The following LRCH1 variants were observed in gnomAD, a reference collection of about 807,000 sequenced individuals.
LRCH1 encodes the protein leucine rich repeats and calponin homology domain containing 1, also known as leucine-rich repeat and calponin homology domain-containing protein 1.
A neutral mutation model predicts 94.9 loss-of-function variants in LRCH1; 23 were observed. That is an observed-to-expected ratio of 0.24 (90% CI 0.17 to 0.34). The LOEUF (loss-of-function observed/expected upper bound fraction) is 0.34, where lower values mean the gene tolerates loss of function less well. Ranked by LOEUF, LRCH1 falls within the 10% of genes least tolerant of loss-of-function variation. The pLI is 1.00. For missense variants in LRCH1, 790 were observed against 945.9 expected, an observed-to-expected ratio of 0.84 and a Z score of 2.16; for synonymous variants, 364 against 354.9, an observed-to-expected ratio of 1.03 and a Z score of -0.29.
At chr13:46,696,456 A>G (rs1871194944) in intron 9 of LRCH1, among the ~76,000 whole-genome samples, 1 of 152,226 alleles carries the variant, frequency 6.6e-6, no homozygotes, top group Non-Finnish European at 1.5e-5. Flanking sequence ...AGAAGATATC[A>G]ATATTTAAGT....
chr13:46,730,758 ATC>A (rs1284619910), intron 18 of LRCH1, among the ~76,000 whole-genome samples: 1 of 152,206 alleles, frequency 6.6e-6, no homozygotes, highest in Non-Finnish European at 1.5e-5. Context: ...CCGTAAAGTC[ATC>A]TGAGTCTCGT....
chr13:46,553,619 G>A lies in LRCH1; in HGVS notation c.223G>A (p.Gly75Arg). The change falls in exon 1 of 20, where the codon GGG becomes AGG. Residue 75 changes from glycine to arginine, a missense_variant. Physicochemically the swap from Gly to Arg is moderately radical, Grantham distance 125. Around this residue, in one of 3 missense-constraint regions of LRCH1, gnomAD observed 136 missense variants for 143.5 expected, o/e 0.95. Transcript: ENST00000389797. ...GCTTGAGGAGGCGGCCAACTCCGGGGGGCTGAACCTGAGCGCCAGGAAATT... is the reference window on the plus strand; with the variant it reads ...GCTTGAGGAGGCGGCCAACTCCGGGAGGCTGAACCTGAGCGCCAGGAAATT... ...RALEEAANSG[G>R]LNLSARKLKE... 1.3e-6 allele frequency: 2 copies of A among 1,580,734 alleles called. No homozygotes were observed.
intron 11 of LRCH1, among the ~76,000 whole-genome samples, chr13:46,702,417 G>A (rs980853286): frequency 1.3e-5 from 2 of 152,128 alleles, no homozygotes; most frequent in East Asian, 1.9e-4. Context: ...CAGGAGAATC[G>A]CTTGAGCCCA....
intron 1 of LRCH1, among the ~76,000 whole-genome samples, chr13:46,648,967 G>A (rs1747224): frequency 0.59 from 90,108 of 151,978 alleles, 26,699 homozygotes; most frequent in South Asian, 0.68. Flanking sequence ...TAAGATCCTC[G>A]TGTTCTCTAT....
intron 3 of LRCH1, among the ~76,000 whole-genome samples, chr13:46,676,451 CTTTTGA>C: frequency 6.6e-6 from 1 of 152,100 alleles, no homozygotes; most frequent in South Asian, 2.1e-4. Flanking sequence ...CTTACCTGTT[CTTTTGA>C]TAGAGACACA....
chr13:46,651,537 A>T (rs1003068308), intron 2 of LRCH1, among the ~76,000 whole-genome samples: 1 of 151,838 alleles, frequency 6.6e-6, no homozygotes, highest in African/African-American at 2.4e-5. Flanking sequence ...GCGCATGCCT[A>T]TAATCCCAGC....
chr13:46,707,550 G>GA (rs981034030), intron 13 of LRCH1, among the ~76,000 whole-genome samples: 1 of 152,160 alleles, frequency 6.6e-6, no homozygotes, highest in Admixed American at 6.5e-5. Flanking sequence ...TCCAGCTGCA[G>GA]ACCCACTTTT....
At chr13:46,619,707 G>A (rs1246622348) in intron 1 of LRCH1, among the ~76,000 whole-genome samples, 1 of 152,118 alleles carries the variant, frequency 6.6e-6, no homozygotes, top group Admixed American at 6.6e-5. Flanking sequence ...AGAGGCTGTC[G>A]GACTTGCATT....
At chr13:46,680,856 C>T (rs960262983) in intron 3 of LRCH1, among the ~76,000 whole-genome samples, 3 of 152,102 alleles carry the variant, frequency 2.0e-5, no homozygotes, top group East Asian at 1.9e-4. Context: ...GCATCCAAGG[C>T]GGAGACTGAT....
Position 46,742,269 on chromosome 13 carries a change from T to G in LRCH1, c.*421T>G. 1 of 1,050,616 alleles carries G rather than the reference T, an allele frequency of 9.5e-7. No individual in the cohort carries two copies. The allele number at this position is 1,050,616 out of a possible 1,614,324, so 65.1% of individuals were successfully genotyped here. A position where few individuals can be genotyped will look rare whatever the true frequency, so the allele number is the denominator to read the frequency against. On this transcript the variant is annotated 3_prime_UTR_variant, in exon 20 of 20. Coordinates refer to ENST00000389797, the MANE Select transcript of LRCH1 (RefSeq NM_001164211.2). ...GTCAGTATTGAACTAGAATTCTAATTCGGGACTGGGCAATTGAGCTGTATA... is the reference window on the plus strand; with the variant it reads ...GTCAGTATTGAACTAGAATTCTAATGCGGGACTGGGCAATTGAGCTGTATA...
rs760650353 is a variant in LRCH1, at chr13:46,692,584, A to C, written c.1063A>C (p.Met355Leu). 2.5e-6 allele frequency: 4 copies of C among 1,614,086 alleles called. No individual in the cohort carries two copies. Among genetic ancestry groups the C allele is most frequent in the Non-Finnish European group, 3.4e-6 (4 of 1,179,982 alleles). Residue 355 changes from methionine to leucine, a missense_variant, in exon 8 of 20, where the codon ATG becomes CTG. Physicochemically the swap from Met to Leu is conservative, Grantham distance 15. Around this residue, in one of 3 missense-constraint regions of LRCH1, gnomAD observed 460 missense variants for 508.9 expected, o/e 0.90. Transcript: ENST00000389797. The stretch of plus-strand genomic sequence containing the variant: ...CCTCAATGTGCCAATGTCAAACATC[A>C]TGGAAGAAGAACAGATCATCAAGGA... ...VSLNVPMSNI[M>L]EEEQIIKEDS...
intron 1 of LRCH1, among the ~76,000 whole-genome samples, chr13:46,559,954 C>T (rs1291472273): frequency 6.6e-6 from 1 of 152,086 alleles, no homozygotes; most frequent in Non-Finnish European, 1.5e-5. Flanking sequence ...TTGTAATAAA[C>T]ATTTAAAGGG....
intron 1 of LRCH1, among the ~76,000 whole-genome samples, chr13:46,573,436 G>A (rs1470672498): frequency 6.6e-6 from 1 of 152,140 alleles, no homozygotes; most frequent in East Asian, 1.9e-4. Flanking sequence ...CCCCATGTTT[G>A]TTGCAGCACT....
chr13:46,584,159 C>T (rs1205397579), intron 1 of LRCH1, among the ~76,000 whole-genome samples: 1 of 152,266 alleles, frequency 6.6e-6, no homozygotes, highest in Non-Finnish European at 1.5e-5. Context: ...CAATTATAGT[C>T]CGTTCAATTC....
chr13:46,723,188 A>G (rs1228386862), intron 16 of LRCH1, 33 bp from the exon 17 acceptor site: 1 of 1,284,178 alleles, frequency 7.8e-7, no homozygotes, highest in Non-Finnish European at 1.1e-6. Flanking sequence ...ACAAGGCACT[A>G]TATAAAGGCT....
In LRCH1 at chr13:46,728,848, G is replaced by T; in HGVS notation, c.1871G>T (p.Ser624Ile). The T allele has an allele frequency of 1.2e-6, 2 of 1,601,486 alleles. No individual in the cohort carries two copies. The highest frequency in any genetic ancestry group is 1.7e-4 in the Middle Eastern group (1 of 6,036). ...EKELVEQLRE[S>I]IEMRLKVSLH... The stretch of plus-strand genomic sequence containing the variant: ...GCTTCCTTCTGATTTCCCCAACAGA[G>T]CATTGAGATGAGATTGAAGGTCAGT... Residue 624 changes from serine to isoleucine, a missense_variant and splice_region_variant, in exon 18 of 20, where the codon AGC becomes ATC. Coordinates refer to ENST00000389797, the MANE Select transcript of LRCH1 (RefSeq NM_001164211.2).
In LRCH1 at chr13:46,743,941, AT is replaced by A. The variant is rs749197055; in HGVS notation, c.*2096del. Reference sequence around the variant, plus strand: ...CACTTTGATTTTTTTTGTGTCATTAATTTGTCTGTACTCTGCTGCGCTGCAC... The same window carrying A: ...CACTTTGATTTTTTTTGTGTCATTAATTGTCTGTACTCTGCTGCGCTGCAC... On this transcript the variant is annotated 3_prime_UTR_variant, in exon 20 of 20. Transcript: ENST00000389797. 4.9e-5 allele frequency: 48 copies of A among 985,328 alleles called. No homozygotes were observed. The East Asian group carries it at 1.2e-3, about 26-fold the overall frequency. 61.0% of individuals were successfully genotyped at this position (985,328 alleles called of 1,614,324 possible).
chr13:46,715,952 T>C (rs1872300790), intron 16 of LRCH1, among the ~76,000 whole-genome samples: 1 of 152,016 alleles, frequency 6.6e-6, no homozygotes, highest in South Asian at 2.1e-4. Flanking sequence ...GTTTGCTTGT[T>C]TACAAATATT....
intron 1 of LRCH1, among the ~76,000 whole-genome samples, chr13:46,621,821 A>G (rs2050883286): frequency 6.6e-6 from 1 of 152,026 alleles, no homozygotes; most frequent in Non-Finnish European, 1.5e-5. Context: ...TGTATATTGT[A>G]TTATAACAAA....
Sources: allele counts gnomAD v4.1 joint callset (sites outside exome capture counted in the v4.1 genomes callset), GRCh38; gene constraint gnomAD v4.1.1; regional missense constraint gnomAD v4.1.1; transcripts MANE v1.5; gene names NCBI Gene and HGNC (gene_info 2026-07-23, HGNC 2026-07-21).